GLB1: variants seen among roughly 807,000 people sequenced by gnomAD.
GLB1 encodes the protein beta-galactosidase.
A neutral mutation model predicts 74.0 loss-of-function variants in GLB1; 56 were observed. The observed-to-expected ratio is 0.76, with a 90% CI of 0.61 to 0.94. The LOEUF (loss-of-function observed/expected upper bound fraction) is 0.94. GLB1 is among the 40% of genes least tolerant of loss of function. The pLI is 0.00. For missense variants in GLB1, 787 were observed against 845.5 expected (o/e 0.93, Z 0.86); for synonymous variants, 323 against 323.6 (o/e 1.00, Z 0.02).
chr3:32,974,041 C>A, the GLB1 span, among the ~76,000 whole-genome samples: 1 of 152,184 alleles, frequency 6.6e-6, no homozygotes, highest in African/African-American at 2.4e-5. Flanking sequence ...AGACAAACTG[C>A]TGGTTGGCAG....
chr3:33,058,331 G>T (rs1699306574), intron 5 of GLB1, 62 bp from the exon 6 acceptor site: 1 of 1,603,302 alleles, frequency 6.2e-7, no homozygotes, highest in African/African-American at 1.3e-5. Context: ...CCTAATGCAA[G>T]CTTTTGTGTG....
downstream of GLB1, among the ~76,000 whole-genome samples, chr3:32,995,590 A>G (rs1696293505): frequency 6.6e-6 from 1 of 152,114 alleles, no homozygotes; most frequent in Non-Finnish European, 1.5e-5. Context: ...TCAGATATTT[A>G]TTAGTTGTGC....
chr3:32,998,813 C>T (rs1409084408), intron 15 of GLB1, among the ~76,000 whole-genome samples: 1 of 152,182 alleles, frequency 6.6e-6, no homozygotes, highest in African/African-American at 2.4e-5. Context: ...ATCCTCATCA[C>T]GTTCTGCAAC....
chr3:33,004,081 C>T (rs1696689718), intron 15 of GLB1, among the ~76,000 whole-genome samples: 1 of 152,006 alleles, frequency 6.6e-6, no homozygotes, highest in Non-Finnish European at 1.5e-5. Flanking sequence ...TCTGGCTGGT[C>T]TAGTGACATA....
intron 11 of GLB1, among the ~76,000 whole-genome samples, chr3:33,023,870 T>G (rs1028963650): frequency 2.0e-5 from 3 of 152,222 alleles, no homozygotes; most frequent in Non-Finnish European, 4.4e-5. Flanking sequence ...CCTGTGATTT[T>G]GGGGAACTCC....
At chr3:32,985,026 G>A in the GLB1 span, among the ~76,000 whole-genome samples, 1 of 148,288 alleles carries the variant, frequency 6.7e-6, no homozygotes, top group South Asian at 2.1e-4. Context: ...AACTGCTTGA[G>A]CCCAGGAGGT....
chr3:32,991,760 T>C (rs767422306), downstream of GLB1, among the ~76,000 whole-genome samples: 12 of 152,354 alleles, frequency 7.9e-5, no homozygotes, highest in Admixed American at 1.3e-4. Flanking sequence ...CAAGTCATCC[T>C]GGCCCAAATA....
chr3:33,076,749 T>C (rs187637246), intron 1 of GLB1, among the ~76,000 whole-genome samples: 14 of 152,312 alleles, frequency 9.2e-5, no homozygotes, highest in Admixed American at 6.5e-4. Context: ...CATCGTAATT[T>C]ACAGGGAGAA....
chr3:32,977,123 G>T, the GLB1 span, among the ~76,000 whole-genome samples: 5 of 152,084 alleles, frequency 3.3e-5, no homozygotes, highest in Admixed American at 3.3e-4. Flanking sequence ...GAGGCAGAAT[G>T]TCTAGACTGA....
At chr3:33,036,458 T>C (rs1445555357) in intron 10 of GLB1, among the ~76,000 whole-genome samples, 1 of 152,204 alleles carries the variant, frequency 6.6e-6, no homozygotes, top group African/African-American at 2.4e-5. Flanking sequence ...TTAGGAAAGT[T>C]CACTATTTCA....
At chr3:33,005,935 C>G (rs1696771030) in intron 15 of GLB1, among the ~76,000 whole-genome samples, 1 of 152,168 alleles carries the variant, frequency 6.6e-6, no homozygotes, top group South Asian at 2.1e-4. Context: ...AATTACTTTT[C>G]ATCAGTATTC....
At chr3:33,039,066 C>T (rs893673726) in intron 10 of GLB1, among the ~76,000 whole-genome samples, 1 of 151,932 alleles carries the variant, frequency 6.6e-6, no homozygotes, top group African/African-American at 2.4e-5. Context: ...CCGAAGTGGG[C>T]AGATCATGAG....
the GLB1 span, among the ~76,000 whole-genome samples, chr3:32,990,121 A>G: frequency 6.6e-6 from 1 of 152,166 alleles, no homozygotes; most frequent in African/African-American, 2.4e-5. Context: ...CCCCAGTCAG[A>G]TTGAGGTACA....
At chr3:33,072,222 T>C (rs1051410822) in intron 2 of GLB1, among the ~76,000 whole-genome samples, 1 of 152,176 alleles carries the variant, frequency 6.6e-6, no homozygotes, top group Non-Finnish European at 1.5e-5. Context: ...AATACCTATC[T>C]CGAGGAAATG....
At chr3:33,010,050 T>C (rs946732971) in intron 15 of GLB1, among the ~76,000 whole-genome samples, 6 of 152,236 alleles carry the variant, frequency 3.9e-5, no homozygotes, top group Admixed American at 2.0e-4. Context: ...AATACTGCTA[T>C]AAACACTTGC....
chr3:33,066,436 C>A (rs918488696), intron 4 of GLB1, among the ~76,000 whole-genome samples: 2 of 152,126 alleles, frequency 1.3e-5, no homozygotes, highest in Non-Finnish European at 2.9e-5. Context: ...ATGCCCTGTG[C>A]CCCCTCAGGA....
intron 10 of GLB1, among the ~76,000 whole-genome samples, chr3:33,043,102 G>A (rs1383362228): frequency 6.6e-6 from 1 of 152,154 alleles, no homozygotes; most frequent in Non-Finnish European, 1.5e-5. Context: ...GGCTGTAATT[G>A]GAGTTACAGT....
At chr3:33,030,439 T>G in intron 10 of GLB1, 1 of 933,714 alleles carries the variant, frequency 1.1e-6, no homozygotes, top group Non-Finnish European at 1.3e-6. Flanking sequence ...ATTTAACAGT[T>G]GCTAAGTAAT....
At chr3:33,060,736 C>T (rs942520639) in intron 5 of GLB1, among the ~76,000 whole-genome samples, 3 of 152,150 alleles carry the variant, frequency 2.0e-5, no homozygotes, top group African/African-American at 7.2e-5. Flanking sequence ...AGCACAATTG[C>T]GAGGCAGCTT....
Sources: allele counts gnomAD v4.1 joint callset (sites outside exome capture counted in the v4.1 genomes callset), GRCh38; gene constraint gnomAD v4.1.1; transcripts MANE v1.5; gene names NCBI Gene and HGNC (gene_info 2026-07-23, HGNC 2026-07-21).